The following RTN4 variants were observed in gnomAD, a reference collection of about 807,000 sequenced individuals.
RTN4 encodes reticulon 4.
A neutral mutation model predicts 90.4 loss-of-function variants in RTN4; 32 were observed. The observed-to-expected ratio is 0.35, with a 90% CI of 0.27 to 0.48. The LOEUF (loss-of-function observed/expected upper bound fraction) is 0.48. RTN4 is among the 20% of genes least tolerant of loss of function. The probability of loss-of-function intolerance (pLI) is 0.99; values close to 1 mark genes in which losing one functional copy is unlikely to be tolerated. For missense variants in RTN4, 1,706 were observed against 1,430.2 expected (o/e 1.19, Z -3.11); for synonymous variants, 629 against 552.5 (o/e 1.14, Z -1.94).
At chr2:55,134,074 T>C in the RTN4 span, among the ~76,000 whole-genome samples, 1 of 152,122 alleles carries the variant, frequency 6.6e-6, no homozygotes, top group Non-Finnish European at 1.5e-5. Context: ...TTTCAGACCA[T>C]ATATGGTAAC....
In RTN4 at chr2:55,078,247, A is replaced by T. The variant is rs543889980; in HGVS notation, c.-63+2242T>A. On this transcript the variant is annotated intron_variant, in intron 2 of 3. Coordinates refer to the RTN4 transcript ENST00000427710. ...TTTATCATATTATTTTTATTTTTTTAAATTTACTATTTTTTGAGGCTTGCT... is the reference window on the plus strand; with the variant it reads ...TTTATCATATTATTTTTATTTTTTTTAATTTACTATTTTTTGAGGCTTGCT... Among the ~76,000 whole-genome samples, 69 of 152,230 alleles carry T rather than the reference A, an allele frequency of 4.5e-4. No homozygotes were observed. In the East Asian group the frequency reaches 7.1e-3, roughly 16 times the overall value.
intron 5 of RTN4, among the ~76,000 whole-genome samples, chr2:54,978,624 A>G (rs1192714720): frequency 1.3e-5 from 2 of 152,178 alleles, no homozygotes; most frequent in African/African-American, 4.8e-5. Context: ...TCTTTTCTAA[A>G]TGACAAAAAT....
At chr2:55,024,730 A>T (rs1220016126) in intron 3 of RTN4, among the ~76,000 whole-genome samples, 3 of 152,142 alleles carry the variant, frequency 2.0e-5, no homozygotes, top group Non-Finnish European at 4.4e-5. Context: ...TAACAAAAAC[A>T]CATCTGAAAA....
chr2:55,109,886 G>T (rs1431266309), intron 1 of RTN4, among the ~76,000 whole-genome samples: 1 of 152,182 alleles, frequency 6.6e-6, no homozygotes, highest in African/African-American at 2.4e-5. Flanking sequence ...CTTGTAGAGG[G>T]ATATTATTTA....
intron 1 of RTN4, among the ~76,000 whole-genome samples, chr2:55,109,136 G>C (rs998874786): frequency 1.3e-5 from 2 of 152,042 alleles, no homozygotes; most frequent in African/African-American, 4.8e-5. Flanking sequence ...TAAATTTTAA[G>C]TTCCTGAAAT....
chr2:55,004,292 C>T (rs1266353652), intron 3 of RTN4, among the ~76,000 whole-genome samples: 1 of 152,210 alleles, frequency 6.6e-6, no homozygotes, highest in Middle Eastern at 3.4e-3. Flanking sequence ...AAACATGGGC[C>T]GTTTTAGCTT....
chr2:55,127,831 C>A, the RTN4 span, among the ~76,000 whole-genome samples: 1 of 152,130 alleles, frequency 6.6e-6, no homozygotes, highest in African/African-American at 2.4e-5. Context: ...TAGCATGGTG[C>A]ATTACAAATG....
chr2:55,116,588 C>T (rs1001047304), upstream of RTN4, among the ~76,000 whole-genome samples: 14 of 152,272 alleles, frequency 9.2e-5, no homozygotes, highest in Non-Finnish European at 1.3e-4. Flanking sequence ...AAGCACTTTA[C>T]GAGCATTTCT....
At chr2:55,022,967 C>T (rs1681560529) in intron 3 of RTN4, among the ~76,000 whole-genome samples, 1 of 151,198 alleles carries the variant, frequency 6.6e-6, no homozygotes, top group African/African-American at 2.4e-5. Flanking sequence ...CTCTCCCCTA[C>T]TTTGACCACA....
At chr2:55,075,153 T>C (rs1316119023) in intron 2 of RTN4, among the ~76,000 whole-genome samples, 1 of 152,234 alleles carries the variant, frequency 6.6e-6, no homozygotes, top group Non-Finnish European at 1.5e-5. Flanking sequence ...TGTTTGCTGA[T>C]GACATGGTCT....
intron 1 of RTN4, among the ~76,000 whole-genome samples, chr2:55,039,146 G>A (rs1682890141): frequency 1.3e-5 from 2 of 152,220 alleles, no homozygotes; most frequent in South Asian, 4.1e-4. Context: ...AAGGACCCAA[G>A]AGATCTTTCT....
upstream of RTN4, chr2:55,050,564 G>A (rs1668055559): frequency 3.1e-6 from 1 of 317,672 alleles, no homozygotes; most frequent in Non-Finnish European, 5.8e-6. The surrounding 1 kb of genome is among the most constrained non-coding windows in gnomAD (Gnocchi z 4.6). Flanking sequence ...GCCCAGTTTG[G>A]CGTGACTCAC....
Position 55,036,804 on chromosome 2 carries a change from C to A in RTN4, c.557-8584G>T, listed in dbSNP as rs78626863. 3.3e-5 allele frequency among the ~76,000 whole-genome samples: 5 copies of A among 152,036 alleles called. No individual in the cohort carries two copies. In the East Asian group the frequency reaches 7.7e-4, roughly 24 times the overall value. Reference sequence around the variant, plus strand: ...TAGGAATAGAAGGAAGCTTTCTCAACCTAAGAGTCAGGATATCTAGGAAAA... The same window carrying A: ...TAGGAATAGAAGGAAGCTTTCTCAAACTAAGAGTCAGGATATCTAGGAAAA... On this transcript the variant is annotated intron_variant, in intron 1 of 8. Transcript: ENST00000337526.
chr2:55,063,554 G>T (rs1326641671), intron 2 of RTN4, among the ~76,000 whole-genome samples: 2 of 151,962 alleles, frequency 1.3e-5, no homozygotes, highest in African/African-American at 2.4e-5. Context: ...AATGGTAAGG[G>T]TTGTAAGCAG....
intron 1 of RTN4, among the ~76,000 whole-genome samples, chr2:55,100,745 A>G (rs1401441540): frequency 1.3e-5 from 2 of 152,170 alleles, no homozygotes; most frequent in Admixed American, 6.6e-5. Flanking sequence ...TCATTGCATC[A>G]GCCATGCCAA....
At chr2:55,092,743 A>C (rs998679798) in intron 1 of RTN4, among the ~76,000 whole-genome samples, 1 of 152,162 alleles carries the variant, frequency 6.6e-6, no homozygotes, top group African/African-American at 2.4e-5. Context: ...GGTAAAACTG[A>C]CCACATATAT....
At chr2:55,042,588 C>G (rs1375600377) in intron 1 of RTN4, among the ~76,000 whole-genome samples, 1 of 152,134 alleles carries the variant, frequency 6.6e-6, no homozygotes, top group Non-Finnish European at 1.5e-5. Context: ...ATCTGGGTAA[C>G]AGGTAGAAAG....
At chr2:55,029,959 T>G (rs930268815) in intron 1 of RTN4, among the ~76,000 whole-genome samples, 9 of 152,166 alleles carry the variant, frequency 5.9e-5, no homozygotes, top group Non-Finnish European at 1.0e-4. Context: ...AATTATTAGC[T>G]TGTATAAAAC....
At position 54,974,806 on chromosome 2, in the gene RTN4, G is replaced by A. The variant is rs753646746; in HGVS notation, c.3361-42C>T. The A allele has an allele frequency of 1.7e-5, 27 of 1,548,338 alleles. No homozygotes were observed. The African/African-American group carries it at 3.5e-4, about 20-fold the overall frequency. On this transcript the variant is annotated intron_variant, in intron 5 of 8. Transcript: ENST00000337526. Reference sequence around the variant, plus strand: ...TTAGCCCATTATAAACAAAATTCAAGTAAAGTTTCTTAATTATGCTTTCAA... The same window carrying A: ...TTAGCCCATTATAAACAAAATTCAAATAAAGTTTCTTAATTATGCTTTCAA...
Sources: gnomAD v4.1 joint callset for allele counts (sites outside exome capture counted in the v4.1 genomes callset) on GRCh38, gnomAD v4.1.1 for gene constraint, Gnocchi (gnomAD v3.1) non-coding constraint, MANE v1.5 for transcripts, NCBI Gene and HGNC (gene_info 2026-07-23, HGNC 2026-07-21) for gene names.